INSL6: variants seen among roughly 807,000 people sequenced by gnomAD.
The protein encoded by INSL6 is insulin-like peptide INSL6.
Under a neutral mutation model 9.4 loss-of-function variants are expected in INSL6, and 16 were observed. The ratio of observed to expected loss-of-function variants is 1.70; its 90% CI spans 1.15 to 2.59. The LOEUF (loss-of-function observed/expected upper bound fraction) is 2.59. INSL6 is among the 30% of genes most tolerant of loss of function. The pLI, the probability that INSL6 is intolerant of heterozygous loss-of-function variation, is 0.00. For missense variants in INSL6, 391 were observed against 257.3 expected (o/e 1.52, Z -3.56); for synonymous variants, 154 against 96.9 (o/e 1.59, Z -3.46).
intron 2 of INSL6, among the ~76,000 whole-genome samples, chr9:5,142,401 T>G (rs192294077): frequency 3.3e-5 from 5 of 152,336 alleles, no homozygotes; most frequent in Non-Finnish European, 2.9e-5. Context: ...AGCAGTTGTT[T>G]GTAGTTCTCC....
At chr9:5,089,217 G>A in the INSL6 span, among the ~76,000 whole-genome samples, 1 of 152,032 alleles carries the variant, frequency 6.6e-6, no homozygotes, top group Non-Finnish European at 1.5e-5. Context: ...TCCTTTTCTT[G>A]TTCTAAGAGT....
At chr9:5,083,979 A>G in the INSL6 span, among the ~76,000 whole-genome samples, 2 of 152,046 alleles carry the variant, frequency 1.3e-5, no homozygotes, top group Non-Finnish European at 2.9e-5. Context: ...TATTCTTTTG[A>G]GACATAATTT....
chr9:5,114,770 G>A, the INSL6 span: 7 of 327,884 alleles, frequency 2.1e-5, no homozygotes, highest in East Asian at 1.6e-4. Flanking sequence ...CTGGCTCACA[G>A]ACCGTCAAGT....
At chr9:5,081,671 G>T in the INSL6 span, 3 of 1,325,494 alleles carry the variant, frequency 2.3e-6, no homozygotes, top group African/African-American at 4.4e-5. Context: ...TATCAGTTTA[G>T]TCCAGAGAAT....
the INSL6 span, chr9:5,054,710 TCTTA>T: frequency 6.2e-7 from 1 of 1,613,352 alleles, no homozygotes; most frequent in Non-Finnish European, 8.5e-7. This position sits in a 1 kb window ranked among gnomAD's most constrained non-coding sequence, Gnocchi z 4.9. Flanking sequence ...AACTTAAGTA[TCTTA>T]TAAATCTGGA....
the INSL6 span, among the ~76,000 whole-genome samples, chr9:5,086,462 A>G: frequency 6.6e-6 from 1 of 152,194 alleles, no homozygotes; most frequent in Non-Finnish European, 1.5e-5. Flanking sequence ...TCTTCTCTGA[A>G]TATGATTCTT....
chr9:5,050,766 G>C, the INSL6 span: 2 of 1,613,146 alleles, frequency 1.2e-6, no homozygotes, highest in Non-Finnish European at 1.7e-6. Context: ...GGATGGCAGT[G>C]TTAGATATGA....
Position 5,185,415 on chromosome 9 carries a change from C to A in INSL6, c.188G>T (p.Arg63Leu), listed in dbSNP as rs375327208. The A allele has an allele frequency of 6.2e-7, 1 of 1,614,038 alleles. No individual in the cohort carries two copies. The highest frequency in any genetic ancestry group is 1.3e-5 in the African/African-American group (1 of 74,930). ...CTTCTCCGAGGCCTGTGCAATCAAC[C>A]GTGAGAAAGGGGTTTCCTCCTCGAA... ...FRFEEETPFS[R>L]LIAQASEKVE... Residue 63 changes from arginine to leucine, a missense_variant, in exon 1 of 2, where the codon CGG becomes CTG. Arg to Leu is a moderately radical substitution (Grantham distance 102, BLOSUM62 -2). Transcript: ENST00000381641.
At chr9:5,087,890 A>C in the INSL6 span, among the ~76,000 whole-genome samples, 1 of 152,220 alleles carries the variant, frequency 6.6e-6, no homozygotes, top group Non-Finnish European at 1.5e-5. Flanking sequence ...CTTAGTGTAC[A>C]TTTATGTTTC....
the INSL6 span, chr9:5,073,889 T>A: frequency 1.1e-4 from 81 of 716,812 alleles, no homozygotes; most frequent in Admixed American, 5.5e-4. Flanking sequence ...GTGTAAACTA[T>A]AATTTAACAG....
chr9:5,136,747 C>A (rs958196893), intron 2 of INSL6, among the ~76,000 whole-genome samples: 55 of 152,270 alleles, frequency 3.6e-4, no homozygotes, highest in African/African-American at 1.3e-3. Flanking sequence ...TCCTATTCAA[C>A]ATACTATTGG....
At chr9:5,145,971 A>G (rs932742244) in intron 2 of INSL6, among the ~76,000 whole-genome samples, 4 of 152,154 alleles carry the variant, frequency 2.6e-5, no homozygotes, top group Admixed American at 2.6e-4. Context: ...GCCTCAATCA[A>G]GTCCTTAACT....
chr9:5,116,075 CAG>C, the INSL6 span, among the ~76,000 whole-genome samples: 2 of 151,562 alleles, frequency 1.3e-5, no homozygotes, highest in African/African-American at 2.4e-5. Flanking sequence ...AAAAAAAAAA[CAG>C]TGAACATTTA....
At chr9:5,141,810 C>A (rs542204346) in intron 2 of INSL6, among the ~76,000 whole-genome samples, 1 of 152,142 alleles carries the variant, frequency 6.6e-6, no homozygotes, top group South Asian at 2.1e-4. Flanking sequence ...ATGTCCTGAA[C>A]GGTATTGCCT....
the INSL6 span, among the ~76,000 whole-genome samples, chr9:5,068,643 A>T: frequency 6.6e-6 from 1 of 152,342 alleles, no homozygotes; most frequent in East Asian, 1.9e-4. Context: ...CGTAGGTTGT[A>T]TGTTGGCAGT....
chr9:5,143,539 CCT>C (rs913226494), intron 2 of INSL6, among the ~76,000 whole-genome samples: 5 of 151,910 alleles, frequency 3.3e-5, no homozygotes, highest in African/African-American at 4.8e-5. Flanking sequence ...TAATAACCCC[CCT>C]GTCATTTCTG....
At chr9:5,099,656 C>G in the INSL6 span, 1 of 152,206 alleles carries the variant, frequency 6.6e-6, no homozygotes, top group Non-Finnish European at 1.5e-5. Context: ...TTTCCAACCT[C>G]TAGTCATCAA....
chr9:5,126,641 C>A (rs1379526987), intron 3 of INSL6: 1 of 1,340,824 alleles, frequency 7.5e-7, no homozygotes, highest in Admixed American at 1.8e-5. Flanking sequence ...TAAAAGATGG[C>A]CCTTAGTGTT....
the INSL6 span, among the ~76,000 whole-genome samples, chr9:5,026,461 A>G: frequency 2.6e-5 from 4 of 152,242 alleles, no homozygotes; most frequent in Non-Finnish European, 1.5e-5. Flanking sequence ...TAAATTAAGA[A>G]TTTAAGTCTT....
Sources: gnomAD v4.1 joint callset for allele counts (sites outside exome capture counted in the v4.1 genomes callset) on GRCh38, gnomAD v4.1.1 for gene constraint, Gnocchi (gnomAD v3.1) non-coding constraint, MANE v1.5 for transcripts, NCBI Gene and HGNC (gene_info 2026-07-23, HGNC 2026-07-21) for gene names.